The following ABCA13 variants were observed in gnomAD, a reference collection of about 807,000 sequenced individuals.
ABCA13 encodes the protein ATP-binding cassette sub-family A member 13.
ABCA13 carries 476 observed loss-of-function variants against 478.7 expected under a neutral mutation model. That is an observed-to-expected ratio of 0.99 (90% CI 0.92 to 1.07). The LOEUF is 1.07. ABCA13 is among the 50% of genes least tolerant of loss of function. The pLI is 0.00. For missense variants in ABCA13, 6,060 were observed against 5,910.6 expected (o/e 1.03, Z -0.83); for synonymous variants, 2,252 against 2,158.9 (o/e 1.04, Z -1.20).
At chr7:48,465,034 G>T (rs976951966) in intron 43 of ABCA13, among the ~76,000 whole-genome samples, 1 of 152,150 alleles carries the variant, frequency 6.6e-6, no homozygotes, top group Non-Finnish European at 1.5e-5. Flanking sequence ...CTCAAAAGCA[G>T]ATCTGCCCAA....
intron 42 of ABCA13, among the ~76,000 whole-genome samples, chr7:48,451,888 T>C (rs1051526262): frequency 2.8e-4 from 42 of 152,226 alleles, no homozygotes; most frequent in Non-Finnish European, 2.9e-5. Flanking sequence ...TGCATGATTA[T>C]GGATGAAACT....
chr7:48,417,428 C>T (rs1820170739), intron 41 of ABCA13, among the ~76,000 whole-genome samples: 1 of 152,198 alleles, frequency 6.6e-6, no homozygotes, highest in Non-Finnish European at 1.5e-5. Flanking sequence ...AGGACAAGAA[C>T]ATTGACACTT....
rs56831450 is a variant in ABCA13 at position 48,312,636 on chromosome 7, A to T, written c.9517-431A>T. On this transcript the variant is annotated intron_variant, in intron 24 of 61. Coordinates refer to ENST00000435803, the MANE Select transcript of ABCA13 (RefSeq NM_152701.5). ...TCTCATCCACAAAACGAACAGTATA[A>T]TGCACATCCCCAAGGTATTAGGAGG... 3.0e-3 allele frequency among the ~76,000 whole-genome samples: 460 copies of T among 152,336 alleles called. 7 individuals are homozygous for T. Among genetic ancestry groups the T allele is most frequent in the African/African-American group, 0.011 (441 of 41,576 alleles).
chr7:48,280,340 G>T lies in ABCA13; in HGVS notation c.8726+420G>T, dbSNP rs1796868213. Among the ~76,000 whole-genome samples the T allele has an allele frequency of 4.6e-5, 7 of 152,322 alleles. No homozygotes were observed. The South Asian group carries it at 1.5e-3, about 32-fold the overall frequency. ...TGCTTTCAGTTGTAGCTAACCACAG[G>T]AAAGGGCCAGGCAGCTGCTGGCTTC... On this transcript the variant is annotated intron_variant, in intron 18 of 61. Coordinates refer to ENST00000435803, the MANE Select transcript of ABCA13 (RefSeq NM_152701.5).
In ABCA13 at chr7:48,307,343, G is replaced by A. The variant is rs1389434144; in HGVS notation, c.9322-2604G>A. ...GAATACTGTGGGCAATTGTAACATC[G>A]TGGTAAGTATTTCTATATCAAAACA... On this transcript the variant is annotated intron_variant, in intron 23 of 61. Transcript: ENST00000435803. Among the ~76,000 whole-genome samples, 8 of 152,168 alleles carry A rather than the reference G, an allele frequency of 5.3e-5. No homozygotes were observed. The South Asian group carries it at 1.2e-3, about 24-fold the overall frequency.
In ABCA13 at chr7:48,274,101, G is replaced by A. The variant is rs1795977341; in HGVS notation, c.4435G>A (p.Glu1479Lys). 14 of 1,606,430 alleles carry A rather than the reference G, an allele frequency of 8.7e-6. No individual in the cohort carries two copies. The highest frequency in any genetic ancestry group is 1.2e-5 in the Non-Finnish European group (14 of 1,176,290). ...AAATATTGTACTTACTACAGTCTTT[G>A]AAAAAGAGAAGAAACCTAAATTTGA... ...FLNIVLTTVF[E>K]KEKKPKFEIL... The change falls in exon 17 of 62, where the codon GAA becomes AAA. Residue 1479 changes from glutamate (E) to lysine (K), a missense_variant. This residue lies in a region of ABCA13 where 4,423 missense variants were observed against 4,309.1 expected (regional missense o/e 1.03). Coordinates refer to ENST00000435803, the MANE Select transcript of ABCA13 (RefSeq NM_152701.5).
chr7:48,399,369 A>G (rs1817281861), intron 38 of ABCA13, among the ~76,000 whole-genome samples: 1 of 152,166 alleles, frequency 6.6e-6, no homozygotes, highest in African/African-American at 2.4e-5. Context: ...GATTTAGACA[A>G]GAGACAAGGG....
intron 55 of ABCA13, among the ~76,000 whole-genome samples, chr7:48,529,807 G>T (rs998342788): frequency 6.6e-6 from 1 of 151,868 alleles, no homozygotes; most frequent in African/African-American, 2.4e-5. Flanking sequence ...TAATTCATTT[G>T]TGAAAGTATT....
At chr7:48,601,103 C>T (rs1790849214) in intron 58 of ABCA13, among the ~76,000 whole-genome samples, 1 of 151,872 alleles carries the variant, frequency 6.6e-6, no homozygotes, top group Admixed American at 6.6e-5. Context: ...CTGGTGTTGA[C>T]CCCTCTAGTG....
At chr7:48,178,174 T>C (rs1405738285) in intron 1 of ABCA13, among the ~76,000 whole-genome samples, 1 of 152,130 alleles carries the variant, frequency 6.6e-6, no homozygotes, top group Non-Finnish European at 1.5e-5. Flanking sequence ...TTTAGCTTTA[T>C]TTTCCTCCTA....
intron 58 of ABCA13, among the ~76,000 whole-genome samples, chr7:48,614,096 T>A (rs1792302432): frequency 6.7e-6 from 1 of 149,990 alleles, no homozygotes; most frequent in South Asian, 2.1e-4. Context: ...TATTATTTTA[T>A]ATTACACTAA....
At chr7:48,263,318 A>G (rs1321518623) in intron 15 of ABCA13, among the ~76,000 whole-genome samples, 4 of 151,972 alleles carry the variant, frequency 2.6e-5, no homozygotes, top group Non-Finnish European at 2.9e-5. Context: ...ACAACTACAC[A>G]TGATAAGTAT....
Position 48,171,483 on chromosome 7 carries a change from C to A in ABCA13, c.-1C>A. The A allele has an allele frequency of 6.5e-7, 1 of 1,536,108 alleles. No individual in the cohort carries two copies. Among genetic ancestry groups the A allele is most frequent in the Non-Finnish European group, 8.7e-7 (1 of 1,146,900 alleles). On this transcript the variant is annotated 5_prime_UTR_variant, in exon 1 of 62. Coordinates refer to ENST00000435803, the MANE Select transcript of ABCA13 (RefSeq NM_152701.5). Reference sequence around the variant, plus strand: ...CTGACTGAGAGCAGGGAGCAGCAGGCATGGGGCATGCCGGGTGCCAGTTCA... The same window carrying A: ...CTGACTGAGAGCAGGGAGCAGCAGGAATGGGGCATGCCGGGTGCCAGTTCA...
chr7:48,464,542 T>C (rs1253514538), intron 43 of ABCA13, among the ~76,000 whole-genome samples: 1 of 152,254 alleles, frequency 6.6e-6, no homozygotes, highest in African/African-American at 2.4e-5. Context: ...TTTAAGTTGC[T>C]CTGGAAACAA....
intron 24 of ABCA13, among the ~76,000 whole-genome samples, chr7:48,312,446 GA>G (rs143168215): frequency 0.19 from 28,057 of 149,122 alleles, 2,803 homozygotes; most frequent in African/African-American, 0.26. Flanking sequence ...CTGAGAATAT[GA>G]AAAAAAAAAA....
chr7:48,290,764 T>C (rs1318158753), intron 20 of ABCA13, among the ~76,000 whole-genome samples: 1 of 151,950 alleles, frequency 6.6e-6, no homozygotes, highest in East Asian at 1.9e-4. Context: ...TCAATCTATG[T>C]TCTCAGGAGT....
Position 48,524,377 on chromosome 7 carries a change from T to A in ABCA13, c.14181T>A (p.Tyr4727Ter). ...TGTTATACAACCTTAGTAAACATTA[T>A]CGACGCTTTTTCCAGAATATTATTG... Reference protein sequence around the residue: ...ILVLYNLSKHYRRFFQNIIAV... With the variant: ...ILVLYNLSKH The change falls in exon 54 of 62, where the codon TAT becomes TAA. Residue 4727 changes from tyrosine to a stop codon, truncating the protein, a stop_gained. Transcript: ENST00000435803. LOFTEE classifies it high-confidence loss of function. 6.2e-7 allele frequency: 1 copy of A among 1,613,240 alleles called. No homozygotes were observed. Among genetic ancestry groups the A allele is most frequent in the Non-Finnish European group, 8.5e-7 (1 of 1,179,568 alleles).
intron 55 of ABCA13, among the ~76,000 whole-genome samples, chr7:48,574,100 C>T (rs1172629983): frequency 1.3e-5 from 2 of 151,770 alleles, no homozygotes; most frequent in Non-Finnish European, 2.9e-5. Context: ...AGTTAGGACC[C>T]CAATATTATT....
intron 45 of ABCA13, among the ~76,000 whole-genome samples, chr7:48,476,873 G>C (rs1353749420): frequency 6.6e-6 from 1 of 152,168 alleles, no homozygotes; most frequent in African/African-American, 2.4e-5. Context: ...AAAACATTTC[G>C]AGGCTATAAG....
Sources: gnomAD v4.1 joint callset for allele counts (sites outside exome capture counted in the v4.1 genomes callset) on GRCh38, gnomAD v4.1.1 for gene constraint, gnomAD v4.1.1 regional missense constraint, MANE v1.5 for transcripts, NCBI Gene and HGNC (gene_info 2026-07-23, HGNC 2026-07-21) for gene names.